PBXIP1: variants seen among roughly 807,000 people sequenced by gnomAD.
PBXIP1 encodes PBX homeobox interacting protein 1.
A neutral mutation model predicts 73.7 loss-of-function variants in PBXIP1; 73 were observed. That is an observed-to-expected ratio of 0.99 (90% CI 0.82 to 1.20). The LOEUF is 1.20. Ranked by LOEUF, PBXIP1 falls within the 50% of genes most tolerant of loss-of-function variation. The pLI, the probability that PBXIP1 is intolerant of heterozygous loss-of-function variation, is 0.00. For missense variants in PBXIP1, 818 were observed against 911.4 expected (o/e 0.90, Z 1.32); for synonymous variants, 330 against 366.9 (o/e 0.90, Z 1.15).
chr1:154,946,112 C>T lies in PBXIP1; in HGVS notation c.1562G>A (p.Arg521Lys). The change falls in exon 10 of 11, where the codon AGG becomes AAG. Residue 521 changes from arginine to lysine, a missense_variant. By Grantham distance (26) the Arg-to-Lys change is conservative. Transcript: ENST00000368463. The part of the protein sequence containing the change: ...REPAGRWKEG[R>K]PRVEESGSKK... ...GCTCCCCGACTCCTCCACCCTTGGC[C>T]TGCCCTCCTTCCACCTTCCTGCTGG... 6.2e-7 allele frequency: 1 copy of T among 1,614,170 alleles called. No individual in the cohort carries two copies. The highest frequency in any genetic ancestry group is 1.1e-5 in the South Asian group (1 of 91,086).
At chr1:154,952,417 G>T (rs1013153610) in intron 2 of PBXIP1, among the ~76,000 whole-genome samples, 1 of 151,638 alleles carries the variant, frequency 6.6e-6, no homozygotes, top group Non-Finnish European at 1.5e-5. Context: ...CCCGACACCC[G>T]TCTCCCAGCA....
At chr1:154,952,916 T>G (rs1188440776) in intron 2 of PBXIP1, among the ~76,000 whole-genome samples, 2 of 152,164 alleles carry the variant, frequency 1.3e-5, no homozygotes, top group African/African-American at 4.8e-5. Flanking sequence ...ACTCAACATG[T>G]TGAAACTGAG....
Position 154,945,001 on chromosome 1 carries a change from GC to G in PBXIP1, c.*22del. The G allele has an allele frequency of 6.3e-7, 1 of 1,597,264 alleles. No individual in the cohort carries two copies. Among genetic ancestry groups the G allele is most frequent in the Non-Finnish European group, 8.6e-7 (1 of 1,165,038 alleles). ...GGATCTTGGGCTGGGCCAGGCCAAG[GC>G]CATTCCCTGTGGGGCAGGGTGTCAG... On this transcript the variant is annotated 3_prime_UTR_variant, in exon 11 of 11. Coordinates refer to ENST00000368463, the MANE Select transcript of PBXIP1 (RefSeq NM_020524.4).
At chr1:154,955,255 T>A (rs1024995935) in intron 1 of PBXIP1, among the ~76,000 whole-genome samples, 13 of 151,956 alleles carry the variant, frequency 8.6e-5, no homozygotes, top group Admixed American at 7.2e-4. Flanking sequence ...CATCTCCCCA[T>A]CCCCAGTTGC....
intron 2 of PBXIP1, 25 bp downstream of exon 2, chr1:154,953,646 T>G (rs1558041221): frequency 2.8e-5 from 35 of 1,265,142 alleles, no homozygotes; most frequent in Non-Finnish European, 3.5e-5. Flanking sequence ...CCCACCCCCA[T>G]GGTTCCCAGG....
intron 10 of PBXIP1, 92 bp from the exon 11 acceptor site, chr1:154,945,209 G>T (rs1172737545): frequency 3.2e-6 from 3 of 926,140 alleles, no homozygotes; most frequent in Admixed American, 4.6e-5. Context: ...CAATGAAGCT[G>T]ACTTGAGCAG....
intron 1 of PBXIP1, among the ~76,000 whole-genome samples, chr1:154,954,091 G>A (rs1474065068): frequency 6.6e-6 from 1 of 152,220 alleles, no homozygotes; most frequent in East Asian, 1.9e-4. Flanking sequence ...CAGGGAAGAT[G>A]AAGCCCAGCA....
In PBXIP1 at chr1:154,953,539, C is replaced by T. The variant is rs2101989650; in HGVS notation, c.51+132G>A. The T allele has an allele frequency of 2.9e-5, 18 of 628,906 alleles. No homozygotes were observed. The South Asian group carries it at 3.4e-4, about 12-fold the overall frequency. 39.0% of individuals were successfully genotyped at this position (628,906 alleles called of 1,614,324 possible). A position where few individuals can be genotyped will look rare whatever the true frequency, so the allele number is the denominator to read the frequency against. On this transcript the variant is annotated intron_variant, in intron 2 of 10. Transcript: ENST00000368463. ...CTACTTCTTCCTGCTACTGGAATTC[C>T]TCTAACAGCCAGCAGGAAGTGATGT...
chr1:154,945,154 T>G (rs772825789), intron 10 of PBXIP1, 37 bp from the exon 11 acceptor site: 2 of 1,521,182 alleles, frequency 1.3e-6, no homozygotes, highest in Non-Finnish European at 1.8e-6. Context: ...GACAATACCA[T>G]GCAATGAAAA....
At chr1:154,948,037 C>T in intron 6 of PBXIP1, 32 bp from the exon 7 acceptor site, 2 of 1,607,784 alleles carry the variant, frequency 1.2e-6, no homozygotes, top group Non-Finnish European at 1.7e-6. Flanking sequence ...TCTGATGAGG[C>T]CCTCGGGGAG....
At chr1:154,952,045 C>G (rs562726395) in intron 2 of PBXIP1, 124 bp from the exon 3 acceptor site, 1 of 997,512 alleles carries the variant, frequency 1.0e-6, no homozygotes. Flanking sequence ...ACCAAGTGCT[C>G]GGCATTCCCC....
intron 8 of PBXIP1, 42 bp downstream of exon 8, chr1:154,947,600 C>T (rs768532771): frequency 1.2e-6 from 2 of 1,609,142 alleles, no homozygotes; most frequent in Non-Finnish European, 1.7e-6. Context: ...CCAGGTTCTC[C>T]CCAGCCAGGC....
In PBXIP1 at chr1:154,945,076, G is replaced by A. The variant is rs372939313; in HGVS notation, c.2144C>T (p.Ala715Val). The change falls in exon 11 of 11, where the codon GCG becomes GTG. Residue 715 changes from alanine (A) to valine (V), a missense_variant. By Grantham distance (64) the Ala-to-Val change is moderately conservative (BLOSUM62 0). Transcript: ENST00000368463. The part of the protein sequence containing the change: ...KDKHSQSPRA[A>V]GPREGHSHSH... ...ATGGCTGTGCCCCTCCCTGGGCCCC[G>A]CAGCTCTTGGGCTCTGTGAGTGCTT... 2.4e-5 allele frequency: 39 copies of A among 1,613,964 alleles called. No homozygotes were observed. In the Admixed American group the frequency reaches 3.7e-4, roughly 15 times the overall value.
At position 154,951,925 on chromosome 1, in the gene PBXIP1, G is replaced by C. The variant is rs374291354; in HGVS notation, c.52-4C>G. 687 of 1,601,768 alleles carry C rather than the reference G, an allele frequency of 4.3e-4. No homozygotes were observed. The highest frequency in any genetic ancestry group is 5.4e-4 in the Non-Finnish European group (641 of 1,177,158). ...CCAGTGTCTCCACTGGCAGGCTCTG[G>C]GAGGAGAAGTGCAAGGAGAAGGGCT... On this transcript the variant is annotated splice_polypyrimidine_tract_variant and splice_region_variant and intron_variant, in intron 2 of 10. Coordinates refer to ENST00000368463, the MANE Select transcript of PBXIP1 (RefSeq NM_020524.4). The surrounding 1 kb of genome is among the most constrained non-coding windows in gnomAD (Gnocchi z 4.3).
Position 154,953,685 on chromosome 1 carries a change from G to C in PBXIP1, c.37C>G (p.Leu13Val). 6.2e-7 allele frequency: 1 copy of C among 1,612,620 alleles called. No individual in the cohort carries two copies. The highest frequency in any genetic ancestry group is 8.5e-7 in the Non-Finnish European group (1 of 1,178,876). ...GCTCTTCCTACCTCGGAGCCAGCAA[G>C]CACCCAGCTATTATCAGAGTCTGGG... Reference protein sequence around the residue: ...SCPDSDNSWVLAGSESLPVET... With the variant: ...SCPDSDNSWVVAGSESLPVET... The change falls in exon 2 of 11, where the codon CTT becomes GTT. Residue 13 changes from leucine (L) to valine (V), a missense_variant. Leu to Val is a conservative substitution (Grantham distance 32). Coordinates refer to ENST00000368463, the MANE Select transcript of PBXIP1 (RefSeq NM_020524.4).
chr1:154,952,024 C>T, intron 2 of PBXIP1, 103 bp from the exon 3 acceptor site: 1 of 1,278,942 alleles, frequency 7.8e-7, no homozygotes, highest in South Asian at 1.5e-5. Context: ...CAAAAAGGGG[C>T]TCGGGGCAGC....
Position 154,948,232 on chromosome 1 carries a change from C to T in PBXIP1, c.544G>A (p.Ala182Thr), listed in dbSNP as rs369602118. Residue 182 changes from alanine to threonine, a missense_variant, in exon 6 of 11, where the codon GCT becomes ACT. By Grantham distance (58) the Ala-to-Thr change is moderately conservative. Transcript: ENST00000368463. ...PMVPLAVENQ[A>T]GGEGAGGELG... is the part of the protein sequence containing the mutation. ...TCCCCGCCTGCACCCTCACCCCCAG[C>T]CTGGTTCTCCACAGCCAGGGGCACC... is the stretch of plus-strand genomic sequence containing the variant. The T allele has an allele frequency of 1.1e-5, 17 of 1,612,526 alleles. No individual in the cohort carries two copies. Among genetic ancestry groups the T allele is most frequent in the Admixed American group, 1.7e-5 (1 of 59,838 alleles).
At chr1:154,947,609 G>T in intron 8 of PBXIP1, 33 bp downstream of exon 8, 2 of 1,611,092 alleles carry the variant, frequency 1.2e-6, no homozygotes, top group Non-Finnish European at 1.7e-6. Flanking sequence ...CCCCAGCCAG[G>T]CCCCACCTGC....
chr1:154,948,850 T>C (rs1347167516), intron 5 of PBXIP1, among the ~76,000 whole-genome samples: 1 of 152,168 alleles, frequency 6.6e-6, no homozygotes, highest in Non-Finnish European at 1.5e-5. Context: ...GAGTCCTTAG[T>C]GTGTAACTCC....
Sources: allele counts gnomAD v4.1 joint callset (sites outside exome capture counted in the v4.1 genomes callset), GRCh38; gene constraint gnomAD v4.1.1; non-coding constraint Gnocchi (gnomAD v3.1); transcripts MANE v1.5; gene names NCBI Gene and HGNC (gene_info 2026-07-23, HGNC 2026-07-21).